EHMT1: variants seen among roughly 807,000 people sequenced by gnomAD.
The protein encoded by EHMT1 is histone-lysine N-methyltransferase EHMT1.
In EHMT1, 15 loss-of-function variants were observed where a neutral mutation model predicts 147.2. The observed-to-expected ratio is 0.10, with a 90% CI of 0.07 to 0.16. The LOEUF (loss-of-function observed/expected upper bound fraction) is 0.16. Among genes scored for constraint, EHMT1 ranks in the 10% least tolerant of loss-of-function variants. The probability of loss-of-function intolerance (pLI) is 1.00; values close to 1 mark genes in which losing one functional copy is unlikely to be tolerated. For synonymous variants in EHMT1, 795 were observed against 709.6 expected, an observed-to-expected ratio of 1.12 and a Z score of -1.91; for missense variants, 1,587 against 1,772.4, an observed-to-expected ratio of 0.90 and a Z score of 1.88.
chr9:137,776,749 G>C lies in EHMT1; in HGVS notation c.1923G>C (p.Thr641=). 1 of 1,614,020 alleles carries C rather than the reference G, an allele frequency of 6.2e-7. No homozygotes were observed. The highest frequency in any genetic ancestry group is 8.5e-7 in the Non-Finnish European group (1 of 1,179,998). The part of the protein sequence containing the change: ...GEESSKAKEV[T]IAKADTTSTV... ...AGAGCTCCAAGGCCAAAGAGGTGAC[G>C]ATAGCTAAAGCAGACACCACCTCGA... The change falls in exon 12 of 27, where the codon ACG becomes ACC. Residue 641 remains threonine, a synonymous_variant. Transcript: ENST00000460843. This position sits in a 1 kb window ranked among gnomAD's most constrained non-coding sequence, Gnocchi z 4.4.
In EHMT1 at chr9:137,818,088, G is replaced by C. The variant is rs1955069139; in HGVS notation, c.3490G>C (p.Glu1164Gln). 6.2e-7 allele frequency: 1 copy of C among 1,614,198 alleles called. No individual in the cohort carries two copies. The highest frequency in any genetic ancestry group is 8.5e-7 in the Non-Finnish European group (1 of 1,180,046). The change falls in exon 25 of 27, where the codon GAA becomes CAA. Residue 1164 changes from glutamate (E) to glutamine (Q), a missense_variant. Glu to Gln is a conservative substitution (Grantham distance 29). Around this residue, in one of 7 missense-constraint regions of EHMT1, gnomAD observed 156 missense variants for 252.5 expected, o/e 0.62. Transcript: ENST00000460843. ...EYVGELISDS[E>Q]ADVREEDSYL... ...TGTTGGGGAGCTGATTTCAGACTCA[G>C]AAGCCGACGTTCGAGAGGAAGATTC...
chr9:137,715,499 T>C (rs1451054630), intron 2 of EHMT1: 3 of 975,228 alleles, frequency 3.1e-6, no homozygotes, highest in African/African-American at 1.8e-5. Context: ...AGGTCTGTTG[T>C]GCTCGAGGTG....
At chr9:137,635,606 G>T (rs1054433592) in intron 1 of EHMT1, among the ~76,000 whole-genome samples, 1 of 151,486 alleles carries the variant, frequency 6.6e-6, no homozygotes, top group Non-Finnish European at 1.5e-5. Flanking sequence ...GGATCACGAG[G>T]TCAGGAGATC....
At chr9:137,625,073 G>A (rs1362470084) in intron 1 of EHMT1, among the ~76,000 whole-genome samples, 1 of 151,502 alleles carries the variant, frequency 6.6e-6, no homozygotes, top group Non-Finnish European at 1.5e-5. Context: ...GTAGAGATGG[G>A]GTTTCGCCAT....
chr9:137,715,492 T>G (rs1267514384), intron 2 of EHMT1: 1 of 963,464 alleles, frequency 1.0e-6, no homozygotes, highest in Non-Finnish European at 1.2e-6. Flanking sequence ...GATGATCAGG[T>G]CTGTTGTGCT....
At chr9:137,702,753 C>G (rs112759345) in intron 1 of EHMT1, among the ~76,000 whole-genome samples, 1 of 152,246 alleles carries the variant, frequency 6.6e-6, no homozygotes, top group African/African-American at 2.4e-5. Flanking sequence ...TCCCACATTT[C>G]CCATCCACAC....
At chr9:137,738,153 C>G (rs1268386037) in intron 4 of EHMT1, among the ~76,000 whole-genome samples, 1 of 151,322 alleles carries the variant, frequency 6.6e-6, no homozygotes, top group African/African-American at 2.4e-5. Context: ...GAGATCGGAC[C>G]ACTGCACTCC....
In EHMT1 at chr9:137,782,262, A is replaced by G; in HGVS notation, c.2276-29A>G. ...GCTGGAGTCTGTGGCTACATCTGAA[A>G]TCATTAATAAAACTGTGTTTGTTCA... is the stretch of plus-strand genomic sequence containing the variant. On this transcript the variant is annotated intron_variant, in intron 14 of 26. Transcript: ENST00000460843. This position sits in a 1 kb window ranked among gnomAD's most constrained non-coding sequence, Gnocchi z 5.7. 1 of 1,588,934 alleles carries G rather than the reference A, an allele frequency of 6.3e-7. No individual in the cohort carries two copies. The highest frequency in any genetic ancestry group is 8.6e-7 in the Non-Finnish European group (1 of 1,160,992).
chr9:137,641,518 G>A, intron 1 of EHMT1: 1 of 386,808 alleles, frequency 2.6e-6, no homozygotes, highest in Non-Finnish European at 5.0e-6. Context: ...AGAAATTGGG[G>A]ATTTTGGGAA....
Position 137,776,934 on chromosome 9 carries a change from T to C in EHMT1, c.2018+90T>C, listed in dbSNP as rs374787381. ...TCAACGTTATTGCTTCCTGCTGTTT[T>C]TTCCAGAAGTCTCTGAGCTGATGCT... On this transcript the variant is annotated intron_variant, in intron 12 of 26. Transcript: ENST00000460843. This position sits in a 1 kb window ranked among gnomAD's most constrained non-coding sequence, Gnocchi z 4.4. 35 of 1,251,802 alleles carry C rather than the reference T, an allele frequency of 2.8e-5. No individual in the cohort carries two copies. The East Asian group carries it at 8.0e-4, about 29-fold the overall frequency. The allele number at this position is 1,251,802 out of a possible 1,614,324, so 77.5% of individuals were successfully genotyped here. A position where few individuals can be genotyped will look rare whatever the true frequency, so the allele number is the denominator to read the frequency against.
At chr9:137,669,282 C>A (rs1237455964) in intron 1 of EHMT1, among the ~76,000 whole-genome samples, 1 of 123,904 alleles carries the variant, frequency 8.1e-6, no homozygotes, top group Non-Finnish European at 1.7e-5. Context: ...GGGTGCTGGT[C>A]TCCTGCTTAA....
At chr9:137,801,214 C>T (rs1588787309) in intron 18 of EHMT1, among the ~76,000 whole-genome samples, 1 of 152,160 alleles carries the variant, frequency 6.6e-6, no homozygotes, top group South Asian at 2.1e-4. Flanking sequence ...GTTCAGAGGG[C>T]GCTGCACTGC....
intron 15 of EHMT1, chr9:137,788,976 C>A (rs1952260346): frequency 6.6e-6 from 1 of 152,580 alleles, no homozygotes; most frequent in African/African-American, 2.4e-5. Context: ...GGAAATGCCG[C>A]CGCGCGGGTG....
intron 1 of EHMT1, chr9:137,697,044 G>T: frequency 3.2e-6 from 1 of 314,852 alleles, no homozygotes; most frequent in South Asian, 2.3e-5. Context: ...ACTCTGGGAG[G>T]CTGAGGCGGG....
In EHMT1 at chr9:137,816,057, T is replaced by A. The variant is rs776258762; in HGVS notation, c.3369T>A (p.Gly1123=). ...RNCRNRVVQN[G]LRARLQLYRT... ...GCCGAAATCGCGTCGTACAGAATGG[T>A]CTCAGGTGAGAGGCAGCTTCCTGCC... is the stretch of plus-strand genomic sequence containing the variant. The change falls in exon 23 of 27, where the codon GGT becomes GGA. Residue 1123 remains glycine (G), a synonymous_variant. Transcript: ENST00000460843. 1 of 1,611,096 alleles carries A rather than the reference T, an allele frequency of 6.2e-7. No individual in the cohort carries two copies. Among genetic ancestry groups the A allele is most frequent in the Admixed American group, 1.7e-5 (1 of 59,782 alleles).
chr9:137,760,058 T>A (rs946252252), intron 9 of EHMT1, among the ~76,000 whole-genome samples: 1 of 152,170 alleles, frequency 6.6e-6, no homozygotes, highest in African/African-American at 2.4e-5. Context: ...AATGGCGATG[T>A]CACCCAGCAG....
At chr9:137,814,558 CG>C (rs1954770936) in intron 22 of EHMT1, 50 bp downstream of exon 22, 1 of 1,589,632 alleles carries the variant, frequency 6.3e-7, no homozygotes, top group African/African-American at 1.3e-5. Flanking sequence ...GCCGCTGGTC[CG>C]GGTCTGCAAA....
At chr9:137,625,635 G>A (rs1330181882) in intron 1 of EHMT1, among the ~76,000 whole-genome samples, 1 of 152,072 alleles carries the variant, frequency 6.6e-6, no homozygotes, top group East Asian at 1.9e-4. Context: ...ACCGTGTGTG[G>A]CCGACAGTTT....
At chr9:137,722,251 A>G (rs1440955198) in intron 3 of EHMT1, among the ~76,000 whole-genome samples, 1 of 152,150 alleles carries the variant, frequency 6.6e-6, no homozygotes, top group Admixed American at 6.6e-5. Context: ...TCCTTTAGGG[A>G]AAAAAAGCAA....
Sources: allele counts gnomAD v4.1 joint callset (sites outside exome capture counted in the v4.1 genomes callset), GRCh38; gene constraint gnomAD v4.1.1; regional missense constraint gnomAD v4.1.1; non-coding constraint Gnocchi (gnomAD v3.1); transcripts MANE v1.5; gene names NCBI Gene and HGNC (gene_info 2026-07-23, HGNC 2026-07-21).